The following DNAH7 variants were observed in gnomAD, a reference collection of about 807,000 sequenced individuals.
DNAH7 encodes axonemal beta dynein heavy chain 7.
Under a neutral mutation model 444.6 loss-of-function variants are expected in DNAH7, and 397 were observed. The observed-to-expected ratio is 0.89, with a 90% CI of 0.82 to 0.97. DNAH7 has a LOEUF of 0.97. DNAH7 is among the 50% of genes least tolerant of loss of function. The probability of loss-of-function intolerance (pLI) is 0.00; values close to 1 mark genes in which losing one functional copy is unlikely to be tolerated. For synonymous variants in DNAH7, 1,636 were observed against 1,624.4 expected, an observed-to-expected ratio of 1.01 and a Z score of -0.17; for missense variants, 4,902 against 4,800.8, an observed-to-expected ratio of 1.02 and a Z score of -0.62.
chr2:195,842,138 G>T (rs1698726512), intron 47 of DNAH7, among the ~76,000 whole-genome samples: 1 of 151,950 alleles, frequency 6.6e-6, no homozygotes, highest in Non-Finnish European at 1.5e-5. Flanking sequence ...AGTTATATCA[G>T]ATACAGGTCT....
At position 195,964,963 on chromosome 2, in the gene DNAH7, C is replaced by T. The variant is rs147720283; in HGVS notation, c.2206-4018G>A. Among the ~76,000 whole-genome samples the T allele has an allele frequency of 8.6e-3, 1,304 of 152,034 alleles. 11 individuals are homozygous for T. The highest frequency in any genetic ancestry group is 0.014 in the Middle Eastern group (4 of 292). On this transcript the variant is annotated intron_variant, in intron 17 of 64. Transcript: ENST00000312428. ...GTTTGGATGCCCTTTATTTCCTTCT[C>T]TCATTGGACTGCTGTAGCTAGTACT...
chr2:196,056,953 C>G (rs2125881554), intron 2 of DNAH7, among the ~76,000 whole-genome samples: 1 of 152,168 alleles, frequency 6.6e-6, no homozygotes, highest in South Asian at 2.1e-4. Flanking sequence ...ATGAGGTGTG[C>G]AGAAAGGGTG....
intron 9 of DNAH7, 72 bp downstream of exon 9, chr2:196,019,093 TAAAAG>T: frequency 7.7e-7 from 1 of 1,297,742 alleles, no homozygotes; most frequent in Middle Eastern, 2.6e-4. Context: ...GTTAAAATAG[TAAAAG>T]AAATAATTAA....
intron 58 of DNAH7, among the ~76,000 whole-genome samples, chr2:195,779,084 C>A (rs1358153174): frequency 6.6e-6 from 1 of 152,172 alleles, no homozygotes; most frequent in Admixed American, 6.5e-5. Flanking sequence ...ACCTCATGAT[C>A]CGCCTGCCTT....
intron 2 of DNAH7, among the ~76,000 whole-genome samples, chr2:196,056,875 T>C (rs1697840902): frequency 6.6e-6 from 1 of 152,216 alleles, no homozygotes; most frequent in Admixed American, 6.5e-5. Flanking sequence ...CATCTTTCCA[T>C]TTGCTCTTTC....
intron 1 of DNAH7, among the ~76,000 whole-genome samples, chr2:196,066,928 G>A (rs982299070): frequency 1.3e-5 from 2 of 152,142 alleles, no homozygotes; most frequent in Admixed American, 1.3e-4. Flanking sequence ...TAGCATAAAT[G>A]AAATTCTCAA....
intron 27 of DNAH7, chr2:195,902,316 TA>T (rs1339138861): frequency 1.3e-5 from 2 of 151,974 alleles, no homozygotes; most frequent in Non-Finnish European, 2.9e-5. Context: ...ATAAAATGTT[TA>T]AAAAATATAA....
intron 28 of DNAH7, among the ~76,000 whole-genome samples, chr2:195,898,703 G>A (rs1057403746): frequency 6.6e-6 from 1 of 152,190 alleles, no homozygotes; most frequent in African/African-American, 2.4e-5. Context: ...AACGCCACAT[G>A]TTAGCAAGTT....
chr2:196,032,951 T>C (rs1378170435), intron 5 of DNAH7, among the ~76,000 whole-genome samples: 2 of 152,086 alleles, frequency 1.3e-5, no homozygotes, highest in East Asian at 1.9e-4. Flanking sequence ...TGCACTAATA[T>C]ATAAAAAGCA....
chr2:196,041,723 T>C (rs982642998), intron 5 of DNAH7, among the ~76,000 whole-genome samples: 24 of 151,960 alleles, frequency 1.6e-4, no homozygotes, highest in African/African-American at 5.1e-4. Flanking sequence ...GCTAAAAATA[T>C]TTGCATAGCA....
At chr2:195,768,081 C>T (rs1694668762) in intron 61 of DNAH7, among the ~76,000 whole-genome samples, 1 of 150,800 alleles carries the variant, frequency 6.6e-6, no homozygotes, top group African/African-American at 2.4e-5. Flanking sequence ...TTGGAAAGTA[C>T]ACCTTAAAAG....
intron 49 of DNAH7, among the ~76,000 whole-genome samples, chr2:195,820,427 C>T (rs190006563): frequency 2.7e-5 from 4 of 150,302 alleles, no homozygotes; most frequent in African/African-American, 2.5e-5. Flanking sequence ...CAAACCTGCA[C>T]GCTCTGCACA....
intron 12 of DNAH7, among the ~76,000 whole-genome samples, chr2:195,996,249 T>G (rs1162239472): frequency 6.6e-6 from 1 of 152,240 alleles, no homozygotes; most frequent in East Asian, 1.9e-4. Flanking sequence ...CAGAGCAGAC[T>G]AAAATCCTTA....
intron 49 of DNAH7, among the ~76,000 whole-genome samples, chr2:195,820,996 T>G (rs1041094684): frequency 2.6e-5 from 4 of 152,210 alleles, no homozygotes; most frequent in Admixed American, 1.3e-4. Flanking sequence ...GTTGTCTGCA[T>G]GCAGAATCAG....
At chr2:195,934,823 A>G in intron 20 of DNAH7, 34 bp from the exon 21 acceptor site, 1 of 1,606,890 alleles carries the variant, frequency 6.2e-7, no homozygotes, top group Non-Finnish European at 8.5e-7. Flanking sequence ...ATAATTAACC[A>G]AGTTAAAACA....
Position 195,853,364 on chromosome 2 carries a change from G to A in DNAH7, c.8760C>T (p.Ala2920=). Residue 2920 remains alanine (A), a synonymous_variant, in exon 46 of 65, where the codon GCC becomes GCT. Coordinates refer to ENST00000312428, the MANE Select transcript of DNAH7 (RefSeq NM_018897.3). The part of the protein sequence containing the change: ...ISSGVVAYLG[A]FTSTYRQNQT... ...TTACCTGTCTATAGGTGGATGTGAAGGCTCCGAGGTAAGCAACCACTCCGG... is the reference window on the plus strand; with the variant it reads ...TTACCTGTCTATAGGTGGATGTGAAAGCTCCGAGGTAAGCAACCACTCCGG... 6.2e-7 allele frequency: 1 copy of A among 1,613,998 alleles called. No individual in the cohort carries two copies. Among genetic ancestry groups the A allele is most frequent in the South Asian group, 1.1e-5 (1 of 91,060 alleles).
chr2:196,065,182 A>G (rs1698360942), intron 1 of DNAH7, among the ~76,000 whole-genome samples: 1 of 152,202 alleles, frequency 6.6e-6, no homozygotes, highest in African/African-American at 2.4e-5. Context: ...TCTACACTGC[A>G]TGAAATTTTT....
Position 195,853,653 on chromosome 2 carries a change from A to G in DNAH7, c.8596-125T>C, listed in dbSNP as rs905159462. 8.6e-6 allele frequency: 8 copies of G among 927,640 alleles called. No individual in the cohort carries two copies. In the African/African-American group the frequency reaches 1.3e-4, roughly 16 times the overall value. 57.5% of individuals were successfully genotyped at this position (927,640 alleles called of 1,614,324 possible). On this transcript the variant is annotated intron_variant, in intron 45 of 64. Coordinates refer to ENST00000312428, the MANE Select transcript of DNAH7 (RefSeq NM_018897.3). ...CAGACTTCTGCCTGGGATTTCCTAT[A>G]TCACTATGATATAGGAAAGTCCATG...
intron 61 of DNAH7, among the ~76,000 whole-genome samples, chr2:195,765,760 C>T (rs998958508): frequency 2.5e-4 from 38 of 152,214 alleles, no homozygotes; most frequent in East Asian, 1.3e-3. Flanking sequence ...GAAAAGGGAA[C>T]GCTTGTACAC....
Sources: allele counts gnomAD v4.1 joint callset (sites outside exome capture counted in the v4.1 genomes callset), GRCh38; gene constraint gnomAD v4.1.1; transcripts MANE v1.5; gene names NCBI Gene and HGNC (gene_info 2026-07-23, HGNC 2026-07-21).